The following MPDZ variants were observed in gnomAD, a reference collection of about 807,000 sequenced individuals.
The protein encoded by MPDZ is multiple PDZ domain protein.
Under a neutral mutation model 239.1 loss-of-function variants are expected in MPDZ, and 234 were observed. The observed-to-expected ratio is 0.98, with a 90% CI of 0.88 to 1.09. The LOEUF is 1.09. Among genes scored for constraint, MPDZ ranks in the 50% least tolerant of loss-of-function variants. The probability of loss-of-function intolerance (pLI) is 0.00; values close to 1 mark genes in which losing one functional copy is unlikely to be tolerated. For synonymous variants in MPDZ, 1,048 were observed against 881.3 expected (o/e 1.19, Z -3.35); for missense variants, 3,175 against 2,510.0 (o/e 1.26, Z -5.66).
intron 16 of MPDZ, among the ~76,000 whole-genome samples, chr9:13,189,755 A>T (rs1018397822): frequency 6.6e-6 from 1 of 152,212 alleles, no homozygotes; most frequent in Non-Finnish European, 1.5e-5. Flanking sequence ...ATAAATTAGC[A>T]TTCATGTTAT....
intron 1 of MPDZ, among the ~76,000 whole-genome samples, chr9:13,262,582 AAT>A (rs1289316547): frequency 2.0e-5 from 3 of 152,106 alleles, no homozygotes; most frequent in African/African-American, 7.2e-5. Context: ...AAAAAACAGA[AAT>A]AGAGTCTATA....
At chr9:13,226,732 G>T (rs1343096864) in intron 3 of MPDZ, among the ~76,000 whole-genome samples, 1 of 152,086 alleles carries the variant, frequency 6.6e-6, no homozygotes, top group African/African-American at 2.4e-5. Context: ...CCAGTCAGTG[G>T]AGACCGACTA....
Position 13,175,861 on chromosome 9 carries a change from C to G in MPDZ, c.2946G>C (p.Leu982=). Reference sequence around the variant, plus strand: ...TACAGGCCAGGGAGCTCTGTTCAAGCAGGTACTCAGAGCCCTTTAAGAAAG... The same window carrying G: ...TACAGGCCAGGGAGCTCTGTTCAAGGAGGTACTCAGAGCCCTTTAAGAAAG... The part of the protein sequence containing the change: ...PDSAGKGSEY[L]LEQSSLACNA... The change falls in exon 21 of 47, where the codon CTG becomes CTC. Residue 982 remains leucine, a synonymous_variant. Coordinates refer to ENST00000319217, the MANE Select transcript of MPDZ (RefSeq NM_001378778.1). The G allele has an allele frequency of 6.3e-7, 1 of 1,593,990 alleles. No individual in the cohort carries two copies. The highest frequency in any genetic ancestry group is 8.5e-7 in the Non-Finnish European group (1 of 1,170,168).
intron 39 of MPDZ, 149 bp downstream of exon 39, chr9:13,119,353 G>A (rs1481750530): frequency 1.1e-6 from 1 of 927,338 alleles, no homozygotes; most frequent in Non-Finnish European, 1.6e-6. Flanking sequence ...CCAAAATGCT[G>A]GGATTATAGG....
chr9:13,164,431 A>G (rs1237032758), intron 22 of MPDZ, among the ~76,000 whole-genome samples: 5 of 152,178 alleles, frequency 3.3e-5, no homozygotes, highest in Admixed American at 3.3e-4. Context: ...AAAATGTGAA[A>G]AGCTTATTCA....
rs910424897 is a variant in MPDZ, at chr9:13,215,701, A to G, written c.1290+1073T>C. 3.3e-5 allele frequency among the ~76,000 whole-genome samples: 5 copies of G among 151,154 alleles called. No individual in the cohort carries two copies. The South Asian group carries it at 6.2e-4, about 19-fold the overall frequency. ...GAAAAATAAAGACCTCACAATTACAAAAGTTTAGTAAACACTAAGGTAAAA... is the reference window on the plus strand; with the variant it reads ...GAAAAATAAAGACCTCACAATTACAGAAGTTTAGTAAACACTAAGGTAAAA... On this transcript the variant is annotated intron_variant, in intron 10 of 46. Transcript: ENST00000319217.
At chr9:13,137,451 A>C (rs901675584) in intron 29 of MPDZ, among the ~76,000 whole-genome samples, 33 of 152,318 alleles carry the variant, frequency 2.2e-4, no homozygotes, top group African/African-American at 7.5e-4. Context: ...AGGACAAACA[A>C]CACAAGCAAA....
Position 13,148,716 on chromosome 9 carries a change from A to ATTCTGAGAATGGAAT in MPDZ, c.3631-1059_3631-1058insATTCCATTCTCAGAA, listed in dbSNP as rs71331526. On this transcript the variant is annotated intron_variant, in intron 25 of 46. Coordinates refer to ENST00000319217, the MANE Select transcript of MPDZ (RefSeq NM_001378778.1). The stretch of plus-strand genomic sequence containing the variant: ...TCTTTGCTCAAGACCAAAGTATTCC[A>ATTCTGAGAATGGAAT]AATTTGCAGATCTGCACTCACCTAG... Among the ~76,000 whole-genome samples the ATTCTGAGAATGGAAT allele has an allele frequency of 4.6e-5, 7 of 151,722 alleles. 1 individual carries two copies. Among genetic ancestry groups the ATTCTGAGAATGGAAT allele is most frequent in the African/African-American group, 1.7e-4 (7 of 41,388 alleles).
intron 32 of MPDZ, 34 bp downstream of exon 32, chr9:13,133,790 C>G (rs753342758): frequency 7.0e-7 from 1 of 1,432,414 alleles, no homozygotes; most frequent in East Asian, 2.3e-5. Context: ...TAAAGGAACT[C>G]ACATCATTTC....
chr9:13,127,979 C>A (rs545146929), intron 32 of MPDZ, among the ~76,000 whole-genome samples: 83 of 152,230 alleles, frequency 5.5e-4, no homozygotes, highest in African/African-American at 2.0e-3. Context: ...TTTATTGGTA[C>A]AGTGGGTATT....
chr9:13,137,687 T>A (rs1000157344), intron 29 of MPDZ, among the ~76,000 whole-genome samples: 4 of 152,110 alleles, frequency 2.6e-5, no homozygotes, highest in African/African-American at 9.7e-5. Context: ...ACAAAACAAA[T>A]GCTTTTGAAG....
chr9:13,246,950 A>G (rs1966712037), intron 3 of MPDZ, among the ~76,000 whole-genome samples: 1 of 152,256 alleles, frequency 6.6e-6, no homozygotes, highest in Non-Finnish European at 1.5e-5. Flanking sequence ...GTAAGTTCAA[A>G]GAACATCTGA....
intron 1 of MPDZ, among the ~76,000 whole-genome samples, chr9:13,252,818 AATC>A (rs1157025556): frequency 6.6e-6 from 1 of 152,132 alleles, no homozygotes; most frequent in African/African-American, 2.4e-5. Context: ...AAGTATGTTT[AATC>A]ACCCAGGAGG....
chr9:13,178,015 G>A lies in MPDZ; in HGVS notation c.2650-1598C>T, dbSNP rs149150422. Among the ~76,000 whole-genome samples the A allele has an allele frequency of 2.5e-3, 379 of 152,188 alleles. 3 individuals carry two copies. The highest frequency in any genetic ancestry group is 8.6e-3 in the African/African-American group (357 of 41,516). On this transcript the variant is annotated intron_variant, in intron 19 of 46. Coordinates refer to ENST00000319217, the MANE Select transcript of MPDZ (RefSeq NM_001378778.1). Reference sequence around the variant, plus strand: ...TTTTTAGTAGAGACGGGGTCTCATCGTGATGGTCTTCATCTCCTGACCTCG... The same window carrying A: ...TTTTTAGTAGAGACGGGGTCTCATCATGATGGTCTTCATCTCCTGACCTCG...
At chr9:13,243,456 T>C (rs1965894330) in intron 3 of MPDZ, among the ~76,000 whole-genome samples, 1 of 150,828 alleles carries the variant, frequency 6.6e-6, no homozygotes, top group East Asian at 1.9e-4. Context: ...GTTATGTGAC[T>C]TTTTTTTTGG....
chr9:13,110,024 T>C lies in MPDZ; in HGVS notation c.5870A>G (p.Gln1957Arg). 6.2e-7 allele frequency: 1 copy of C among 1,613,378 alleles called. No individual in the cohort carries two copies. Among genetic ancestry groups the C allele is most frequent in the Non-Finnish European group, 8.5e-7 (1 of 1,179,714 alleles). The change falls in exon 45 of 47, where the codon CAG (glutamine) becomes CGG (arginine). Residue 1957 changes from glutamine to arginine, a missense_variant. Gln to Arg is a conservative substitution (Grantham distance 43, BLOSUM62 1). Coordinates refer to ENST00000319217, the MANE Select transcript of MPDZ (RefSeq NM_001378778.1). Reference sequence around the variant, plus strand: ...AAGACTGGAACTTGCAGGCTCCTGCTGATGACCTGTGACCACACTCACGTC... The same window carrying C: ...AAGACTGGAACTTGCAGGCTCCTGCCGATGACCTGTGACCACACTCACGTC... ...GGDVSVVTGHQQEPASSSLSF... is the reference protein window; with the variant it reads ...GGDVSVVTGHRQEPASSSLSF...
intron 23 of MPDZ, among the ~76,000 whole-genome samples, chr9:13,158,906 C>T (rs1348217128): frequency 6.6e-6 from 1 of 152,136 alleles, no homozygotes; most frequent in Non-Finnish European, 1.5e-5. Context: ...AATGGTTAAA[C>T]TGATTATGGC....
chr9:13,269,884 C>G (rs1972576866), intron 1 of MPDZ, among the ~76,000 whole-genome samples: 1 of 152,160 alleles, frequency 6.6e-6, no homozygotes, highest in Admixed American at 6.6e-5. Flanking sequence ...ATCCAAATTA[C>G]TATGAACCTA....
At chr9:13,261,863 T>C (rs1315159535) in intron 1 of MPDZ, among the ~76,000 whole-genome samples, 2 of 28,836 alleles carry the variant, frequency 6.9e-5, no homozygotes, top group Admixed American at 4.6e-4. Context: ...GAGACCTGTC[T>C]CTACAAAAAA....
Sources: allele counts gnomAD v4.1 joint callset (sites outside exome capture counted in the v4.1 genomes callset), GRCh38; gene constraint gnomAD v4.1.1; transcripts MANE v1.5; gene names NCBI Gene and HGNC (gene_info 2026-07-23, HGNC 2026-07-21).